The following CD58 variants were observed in gnomAD, a reference collection of about 807,000 sequenced individuals.
CD58 encodes CD58 molecule.
CD58 carries 14 observed loss-of-function variants against 27.6 expected under a neutral mutation model. The observed-to-expected ratio is 0.51, with a 90% CI of 0.34 to 0.79. CD58 has a LOEUF of 0.79. Ranked by LOEUF, CD58 falls within the 30% of genes least tolerant of loss-of-function variation. The pLI is 0.02. For missense variants in CD58, 268 were observed against 301.7 expected (o/e 0.89, Z 0.83); for synonymous variants, 117 against 103.8 (o/e 1.13, Z -0.77).
At chr1:116,565,742 G>A (rs552489544) in intron 1 of CD58, among the ~76,000 whole-genome samples, 1 of 144,566 alleles carries the variant, frequency 6.9e-6, no homozygotes, top group South Asian at 2.2e-4. Context: ...TTTTTTTTGA[G>A]ACAGAGTCTC....
At chr1:116,566,121 A>C (rs1015179756) in intron 1 of CD58, among the ~76,000 whole-genome samples, 2 of 152,226 alleles carry the variant, frequency 1.3e-5, no homozygotes, top group Non-Finnish European at 1.5e-5. Context: ...GAGTTGAAAA[A>C]TCTTAAGTCG....
At position 116,534,023 on chromosome 1, in the gene CD58, T is replaced by C. The variant is rs1657708015; in HGVS notation, c.628+1942A>G. 8.0e-6 allele frequency: 10 copies of C among 1,257,788 alleles called. No individual in the cohort carries two copies. The South Asian group carries it at 1.2e-4, about 15-fold the overall frequency. The allele number at this position is 1,257,788 out of a possible 1,614,324, so 77.9% of individuals were successfully genotyped here. On this transcript the variant is annotated intron_variant, in intron 3 of 5. Transcript: ENST00000369489. The surrounding 1 kb of genome is among the most constrained non-coding windows in gnomAD (Gnocchi z 5.3). ...ATCACCTGATCCGTGAGCTTTTCCG[T>C]CTTACTTGCATTTTTAGCAGCTTCC...
In CD58 at chr1:116,557,939, G is replaced by T. The variant is rs1658615629; in HGVS notation, c.70+12964C>A. Among the ~76,000 whole-genome samples, 1 of 152,100 alleles carries T rather than the reference G, an allele frequency of 6.6e-6. No homozygotes were observed. The highest frequency in any genetic ancestry group is 1.5e-5 in the Non-Finnish European group (1 of 68,030). ...TCCTCCTCCCTGGGCCTTCTGAAGTGCTGAGATTACAAGCATGAGCCACCA... is the reference window on the plus strand; with the variant it reads ...TCCTCCTCCCTGGGCCTTCTGAAGTTCTGAGATTACAAGCATGAGCCACCA... On this transcript the variant is annotated intron_variant, in intron 1 of 5. Transcript: ENST00000369489. This position sits in a 1 kb window ranked among gnomAD's most constrained non-coding sequence, Gnocchi z 5.2.
chr1:116,539,849 C>T (rs1387036678), intron 2 of CD58, among the ~76,000 whole-genome samples: 1 of 152,212 alleles, frequency 6.6e-6, no homozygotes, highest in Non-Finnish European at 1.5e-5. Flanking sequence ...CTTTAAGCAG[C>T]ATTAAACTGG....
At chr1:116,548,390 A>G (rs899730105) in intron 1 of CD58, among the ~76,000 whole-genome samples, 1 of 152,058 alleles carries the variant, frequency 6.6e-6, no homozygotes, top group African/African-American at 2.4e-5. Flanking sequence ...AGTCTAGAAG[A>G]GTTTTTCTGA....
intron 3 of CD58, chr1:116,533,040 C>A: frequency 2.8e-6 from 2 of 724,906 alleles, no homozygotes; most frequent in East Asian, 2.7e-5. Context: ...TCGTCCTCTT[C>A]TTCTTCACCT....
chr1:116,556,187 G>A (rs1658552295), intron 1 of CD58, among the ~76,000 whole-genome samples: 1 of 150,850 alleles, frequency 6.6e-6, no homozygotes, highest in Non-Finnish European at 1.5e-5. Flanking sequence ...CCCGGGAGGT[G>A]GAGGTTGCAG....
chr1:116,536,199 C>A lies in CD58; in HGVS notation c.394G>T (p.Ala132Ser). 1 of 1,611,470 alleles carries A rather than the reference C, an allele frequency of 6.2e-7. No homozygotes were observed. The highest frequency in any genetic ancestry group is 1.3e-5 in the African/African-American group (1 of 74,866). Residue 132 changes from alanine to serine, a missense_variant, in exon 3 of 6, where the codon GCA becomes TCA. Coordinates refer to ENST00000369489, the MANE Select transcript of CD58 (RefSeq NM_001779.3). This position sits in a 1 kb window ranked among gnomAD's most constrained non-coding sequence, Gnocchi z 5.4. ...ESLPSPTLTCALTNGSIEVQC... is the reference protein window; with the variant it reads ...ESLPSPTLTCSLTNGSIEVQC... ...ACTTCAATGCTTCCATTAGTCAATG[C>A]ACAAGTTAGTGTGGGAGATGGAAGA...
rs1262505884 is a variant in CD58 at position 116,559,359 on chromosome 1, G to A, written c.70+11544C>T. 6.6e-6 allele frequency among the ~76,000 whole-genome samples: 1 copy of A among 152,136 alleles called. No individual in the cohort carries two copies. The highest frequency in any genetic ancestry group is 2.4e-5 in the African/African-American group (1 of 41,430). On this transcript the variant is annotated intron_variant, in intron 1 of 5. Coordinates refer to ENST00000369489, the MANE Select transcript of CD58 (RefSeq NM_001779.3). This position sits in a 1 kb window ranked among gnomAD's most constrained non-coding sequence, Gnocchi z 4.4. The stretch of plus-strand genomic sequence containing the variant: ...TACAGATGAAGAAATGGACTGAGAG[G>A]GTCAGCTGACTGCATTCACTCAGCT...
chr1:116,534,151 C>T lies in CD58; in HGVS notation c.628+1814G>A, dbSNP rs1482771671. On this transcript the variant is annotated intron_variant, in intron 3 of 5. Coordinates refer to ENST00000369489, the MANE Select transcript of CD58 (RefSeq NM_001779.3). This position sits in a 1 kb window ranked among gnomAD's most constrained non-coding sequence, Gnocchi z 5.3. ...AGTCCCGTGAGTAACTAGGCTAAGGCACTCAGGCCAGTCCTCGGGGAGCAC... is the reference window on the plus strand; with the variant it reads ...AGTCCCGTGAGTAACTAGGCTAAGGTACTCAGGCCAGTCCTCGGGGAGCAC... 6.0e-6 allele frequency: 4 copies of T among 668,794 alleles called. No individual in the cohort carries two copies. The African/African-American group carries it at 7.1e-5, about 12-fold the overall frequency. The allele number at this position is 668,794 out of a possible 1,614,324, so 41.4% of individuals were successfully genotyped here.
chr1:116,552,879 G>T lies in CD58; in HGVS notation c.71-8275C>A, dbSNP rs1401639413. 6.9e-6 allele frequency among the ~76,000 whole-genome samples: 1 copy of T among 145,056 alleles called. No individual in the cohort carries two copies. The highest frequency in any genetic ancestry group is 1.5e-5 in the Non-Finnish European group (1 of 66,718). On this transcript the variant is annotated intron_variant, in intron 1 of 5. Coordinates refer to ENST00000369489, the MANE Select transcript of CD58 (RefSeq NM_001779.3). The surrounding 1 kb of genome is among the most constrained non-coding windows in gnomAD (Gnocchi z 4.5). ...GAGTTGCTACATCAAAAGGTAAATA[G>T]ATTTTTTTTATTTTAATAGAAGTTG...
chr1:116,519,083 A>G lies in CD58; in HGVS notation c.743+148T>C. ...ATGGCACACAGTTGGTACTTAATAC[A>G]CTATGGTTAGTATATCTGCTGATGT... On this transcript the variant is annotated intron_variant, in intron 5 of 5. Coordinates refer to ENST00000369489, the MANE Select transcript of CD58 (RefSeq NM_001779.3). The surrounding 1 kb of genome is among the most constrained non-coding windows in gnomAD (Gnocchi z 4.7). 3 of 1,471,928 alleles carry G rather than the reference A, an allele frequency of 2.0e-6. No homozygotes were observed. The highest frequency in any genetic ancestry group is 2.7e-6 in the Non-Finnish European group (3 of 1,108,118). 91.2% of individuals were successfully genotyped at this position (1,471,928 alleles called of 1,614,324 possible). A position where few individuals can be genotyped will look rare whatever the true frequency, so the allele number is the denominator to read the frequency against.
intron 1 of CD58, among the ~76,000 whole-genome samples, chr1:116,556,766 C>T (rs939740753): frequency 6.6e-6 from 1 of 152,172 alleles, no homozygotes; most frequent in Non-Finnish European, 1.5e-5. Flanking sequence ...CCAGCAATTC[C>T]ACCCACAGAG....
rs1299908005 is a variant in CD58, at chr1:116,546,466, C to A, written c.71-1862G>T. Among the ~76,000 whole-genome samples, 1 of 152,190 alleles carries A rather than the reference C, an allele frequency of 6.6e-6. No homozygotes were observed. Among genetic ancestry groups the A allele is most frequent in the African/African-American group, 2.4e-5 (1 of 41,438 alleles). ...TTTGCCGATTATGCATTATTTCCTCCACTCAACAGAGTATGTGGGAAGGCA... is the reference window on the plus strand; with the variant it reads ...TTTGCCGATTATGCATTATTTCCTCAACTCAACAGAGTATGTGGGAAGGCA... On this transcript the variant is annotated intron_variant, in intron 1 of 5. Transcript: ENST00000369489. The surrounding 1 kb of genome is among the most constrained non-coding windows in gnomAD (Gnocchi z 4.1).
rs140471975 is a variant in CD58 at position 116,527,223 on chromosome 1, G to C, written c.629-5240C>G. Among the ~76,000 whole-genome samples, 768 of 152,292 alleles carry C rather than the reference G, an allele frequency of 5.0e-3. 8 individuals carry two copies. The highest frequency in any genetic ancestry group is 6.8e-3 in the Middle Eastern group (2 of 294). On this transcript the variant is annotated intron_variant, in intron 3 of 5. Transcript: ENST00000369489. The surrounding 1 kb of genome is among the most constrained non-coding windows in gnomAD (Gnocchi z 4.4). Reference sequence around the variant, plus strand: ...GCTTATAGTACAATACTGAAAAGGAGTGGTGAGAAGAACATTATTTCCTTA... The same window carrying C: ...GCTTATAGTACAATACTGAAAAGGACTGGTGAGAAGAACATTATTTCCTTA...
chr1:116,553,721 A>C (rs757056381), intron 1 of CD58, among the ~76,000 whole-genome samples: 56 of 152,324 alleles, frequency 3.7e-4, no homozygotes, highest in Non-Finnish European at 7.8e-4. Flanking sequence ...ACTCACAGGA[A>C]AGGATACAGA....
intron 3 of CD58, among the ~76,000 whole-genome samples, chr1:116,526,428 T>C (rs936184421): frequency 1.3e-5 from 2 of 152,234 alleles, no homozygotes; most frequent in Admixed American, 6.5e-5. Context: ...GTTACAGCAC[T>C]ATTTGTTGAA....
In CD58 at chr1:116,563,961, A is replaced by G. The variant is rs1406988216; in HGVS notation, c.70+6942T>C. 6.6e-6 allele frequency among the ~76,000 whole-genome samples: 1 copy of G among 152,188 alleles called. No individual in the cohort carries two copies. The highest frequency in any genetic ancestry group is 1.5e-5 in the Non-Finnish European group (1 of 68,018). ...AAAAGGGGTTTTTCTTTTCTATTGC[A>G]TCATTGGGCTGCAAATTTTTTGAAC... On this transcript the variant is annotated intron_variant, in intron 1 of 5. Coordinates refer to ENST00000369489, the MANE Select transcript of CD58 (RefSeq NM_001779.3). The surrounding 1 kb of genome is among the most constrained non-coding windows in gnomAD (Gnocchi z 4.1).
intron 2 of CD58, among the ~76,000 whole-genome samples, chr1:116,543,386 T>C (rs533022743): frequency 6.6e-6 from 1 of 151,838 alleles, no homozygotes; most frequent in South Asian, 2.1e-4. Context: ...GAGGAAAAGA[T>C]CCTTACAGGA....
Sources: gnomAD v4.1 joint callset for allele counts (sites outside exome capture counted in the v4.1 genomes callset) on GRCh38, gnomAD v4.1.1 for gene constraint, Gnocchi (gnomAD v3.1) non-coding constraint, MANE v1.5 for transcripts, NCBI Gene and HGNC (gene_info 2026-07-23, HGNC 2026-07-21) for gene names.